DIP2B: variants seen among roughly 807,000 people sequenced by gnomAD.
The protein encoded by DIP2B is disco-interacting protein 2 homolog B.
DIP2B carries 76 observed loss-of-function variants against 198.0 expected under a neutral mutation model. That is an observed-to-expected ratio of 0.38 (90% CI 0.32 to 0.46). The LOEUF (loss-of-function observed/expected upper bound fraction) is 0.46, where lower values mean the gene tolerates loss of function less well. Among genes scored for constraint, DIP2B ranks in the 20% least tolerant of loss-of-function variants. The pLI is 0.99. For missense variants in DIP2B, 1,559 were observed against 1,978.4 expected (o/e 0.79, Z 4.02); for synonymous variants, 701 against 739.1 (o/e 0.95, Z 0.84).
intron 1 of DIP2B, among the ~76,000 whole-genome samples, chr12:50,508,633 G>A (rs761493607): frequency 2.0e-5 from 3 of 152,048 alleles, no homozygotes; most frequent in Non-Finnish European, 2.9e-5. Flanking sequence ...GTCATGTGAC[G>A]ATGACATTGG....
intron 22 of DIP2B, among the ~76,000 whole-genome samples, chr12:50,708,940 A>G (rs138493914): frequency 4.6e-5 from 7 of 152,378 alleles, no homozygotes; most frequent in Non-Finnish European, 8.8e-5. Flanking sequence ...GAGGGATCCA[A>G]GAAAATACAG....
chr12:50,726,358 T>A (rs543873912), intron 28 of DIP2B, among the ~76,000 whole-genome samples: 1 of 152,290 alleles, frequency 6.6e-6, no homozygotes, highest in South Asian at 2.1e-4. Flanking sequence ...TTGGCTACCA[T>A]TCTCTTTTGG....
chr12:50,546,382 ATGTT>A (rs554346681), intron 1 of DIP2B, among the ~76,000 whole-genome samples: 360 of 152,310 alleles, frequency 2.4e-3, no homozygotes, highest in African/African-American at 8.0e-3. Context: ...GTACATGTAA[ATGTT>A]TGTTACATGA....
intron 35 of DIP2B, among the ~76,000 whole-genome samples, chr12:50,737,995 A>G (rs1940169011): frequency 6.6e-6 from 1 of 152,118 alleles, no homozygotes; most frequent in East Asian, 1.9e-4. Context: ...CAAGCTTCTC[A>G]GTATTGGACA....
chr12:50,595,834 G>A (rs1958873712), intron 1 of DIP2B, among the ~76,000 whole-genome samples: 1 of 152,098 alleles, frequency 6.6e-6, no homozygotes, highest in African/African-American at 2.4e-5. Flanking sequence ...TAAATAAATA[G>A]CCTCTGGCAC....
intron 1 of DIP2B, among the ~76,000 whole-genome samples, chr12:50,598,316 G>A (rs1175913595): frequency 6.6e-6 from 1 of 152,046 alleles, no homozygotes; most frequent in Non-Finnish European, 1.5e-5. Flanking sequence ...TTTAAAAAAA[G>A]TTAAGTAGTT....
At chr12:50,682,628 CAAAAAAAA>C (rs58672851) in intron 9 of DIP2B, among the ~76,000 whole-genome samples, 1 of 42,132 alleles carries the variant, frequency 2.4e-5, no homozygotes, top group Admixed American at 2.9e-4. Context: ...GACTCTGTCT[CAAAAAAAA>C]AAAAAAAAAA....
intron 1 of DIP2B, among the ~76,000 whole-genome samples, chr12:50,552,191 C>T (rs547735575): frequency 4.1e-4 from 62 of 151,780 alleles, no homozygotes; most frequent in Non-Finnish European, 6.3e-4. Context: ...CATTGGCCAT[C>T]TTAGCAGAAA....
intron 1 of DIP2B, among the ~76,000 whole-genome samples, chr12:50,581,371 T>C (rs771125082): frequency 3.3e-5 from 5 of 149,490 alleles, no homozygotes; most frequent in Non-Finnish European, 5.9e-5. Flanking sequence ...TCCACCCTCC[T>C]GGGCAACCAG....
At chr12:50,530,262 A>G (rs559847983) in intron 1 of DIP2B, among the ~76,000 whole-genome samples, 37 of 152,126 alleles carry the variant, frequency 2.4e-4, no homozygotes, top group Non-Finnish European at 4.4e-4. Context: ...TTGTATTTTT[A>G]GTAGAGACGG....
At chr12:50,561,163 T>C (rs552886416) in intron 1 of DIP2B, among the ~76,000 whole-genome samples, 1 of 152,336 alleles carries the variant, frequency 6.6e-6, no homozygotes, top group Non-Finnish European at 1.5e-5. Flanking sequence ...TTTCTTGCCC[T>C]TCCTCCATGC....
chr12:50,572,625 T>C (rs1405590895), intron 1 of DIP2B, among the ~76,000 whole-genome samples: 3 of 152,196 alleles, frequency 2.0e-5, no homozygotes, highest in African/African-American at 7.2e-5. Context: ...TTTCTGAATC[T>C]CTTCTCTTCC....
chr12:50,517,260 A>G (rs1284597195), intron 1 of DIP2B, among the ~76,000 whole-genome samples: 1 of 151,536 alleles, frequency 6.6e-6, no homozygotes, highest in Admixed American at 6.6e-5. Context: ...TAAATTAAAT[A>G]GAGATGGGGT....
chr12:50,604,365 A>G, intron 1 of DIP2B, among the ~76,000 whole-genome samples: 1 of 152,208 alleles, frequency 6.6e-6, no homozygotes. Flanking sequence ...TATATGCATT[A>G]CATGCACTGT....
chr12:50,657,764 A>AAAAAAATT (rs1344316094), intron 3 of DIP2B, among the ~76,000 whole-genome samples: 2 of 152,228 alleles, frequency 1.3e-5, no homozygotes, highest in East Asian at 3.8e-4. Context: ...TCTGTACAAA[A>AAAAAAATT]ATATCAAGAT....
chr12:50,644,456 G>A (rs1484639923), intron 3 of DIP2B, among the ~76,000 whole-genome samples: 1 of 152,174 alleles, frequency 6.6e-6, no homozygotes, highest in Non-Finnish European at 1.5e-5. Flanking sequence ...CATGAATACT[G>A]GAAAATGATA....
intron 3 of DIP2B, among the ~76,000 whole-genome samples, 153 bp downstream of exon 3, chr12:50,641,005 C>T (rs1167733389): frequency 2.6e-5 from 4 of 152,112 alleles, no homozygotes; most frequent in Non-Finnish European, 5.9e-5. Context: ...ATTTTGTACC[C>T]TACTATGTAT....
At chr12:50,593,732 T>TCTCCC (rs1565837073) in intron 1 of DIP2B, among the ~76,000 whole-genome samples, 1 of 4,970 alleles carries the variant, frequency 2.0e-4, no homozygotes, top group African/African-American at 2.5e-3. Context: ...TCTCCTCTCC[T>TCTCCC]CTCCTCTCCT....
At chr12:50,600,607 T>C (rs1255214136) in intron 1 of DIP2B, among the ~76,000 whole-genome samples, 4 of 152,144 alleles carry the variant, frequency 2.6e-5, no homozygotes, top group Non-Finnish European at 5.9e-5. Context: ...AAGAGGTAGA[T>C]AAGTTTTTAA....
Sources: gnomAD v4.1 joint callset for allele counts (sites outside exome capture counted in the v4.1 genomes callset) on GRCh38, gnomAD v4.1.1 for gene constraint, MANE v1.5 for transcripts, NCBI Gene and HGNC (gene_info 2026-07-23, HGNC 2026-07-21) for gene names.